The following GALNT13 variants were observed in gnomAD, a reference collection of about 807,000 sequenced individuals.
The protein encoded by GALNT13 is UDP-GalNAc:polypeptide N-acetylgalactosaminyltransferase 13.
Under a neutral mutation model 64.2 loss-of-function variants are expected in GALNT13, and 28 were observed. The ratio of observed to expected loss-of-function variants is 0.44; its 90% CI spans 0.32 to 0.60. GALNT13 has a LOEUF of 0.60. GALNT13 is among the 20% of genes least tolerant of loss of function. The pLI is 0.05. For synonymous variants in GALNT13, 214 were observed against 224.6 expected (o/e 0.95, Z 0.42); for missense variants, 577 against 669.8 (o/e 0.86, Z 1.53).
intron 9 of GALNT13, among the ~76,000 whole-genome samples, chr2:154,341,357 A>C (rs1163131242): frequency 1.3e-5 from 2 of 152,142 alleles, no homozygotes; most frequent in Admixed American, 1.3e-4. Flanking sequence ...TAAATCGCTA[A>C]AATGTGCAAT....
At chr2:153,915,617 A>G (rs546986659) in intron 2 of GALNT13, among the ~76,000 whole-genome samples, 2 of 152,118 alleles carry the variant, frequency 1.3e-5, no homozygotes, top group South Asian at 2.1e-4. Flanking sequence ...TGCCCTCTGC[A>G]TAGAGGAAGC....
intron 9 of GALNT13, among the ~76,000 whole-genome samples, chr2:154,382,576 A>G (rs1449235936): frequency 7.2e-5 from 11 of 152,032 alleles, no homozygotes; most frequent in Admixed American, 6.6e-5. Flanking sequence ...TCATATGTCA[A>G]ACTCATGGTT....
chr2:153,768,583 G>A, the GALNT13 span, among the ~76,000 whole-genome samples: 1 of 151,944 alleles, frequency 6.6e-6, no homozygotes, highest in Non-Finnish European at 1.5e-5. Context: ...TTAAAATCTG[G>A]GACAGGCACA....
chr2:153,445,066 A>G, the GALNT13 span, among the ~76,000 whole-genome samples: 1 of 152,194 alleles, frequency 6.6e-6, no homozygotes, highest in Non-Finnish European at 1.5e-5. Flanking sequence ...TGACAGTGTC[A>G]ATCATTGAAC....
At chr2:153,257,980 T>C in the GALNT13 span, among the ~76,000 whole-genome samples, 1 of 152,142 alleles carries the variant, frequency 6.6e-6, no homozygotes, top group South Asian at 2.1e-4. Context: ...AAGTAAAGAA[T>C]GTCACTTTCT....
At chr2:154,413,553 C>A (rs948364643) in intron 11 of GALNT13, among the ~76,000 whole-genome samples, 1 of 151,974 alleles carries the variant, frequency 6.6e-6, no homozygotes, top group South Asian at 2.1e-4. Context: ...GTATCCCCAT[C>A]TGGTTTTCCA....
At chr2:153,938,213 T>C (rs915896387) in intron 2 of GALNT13, among the ~76,000 whole-genome samples, 2 of 152,074 alleles carry the variant, frequency 1.3e-5, no homozygotes, top group African/African-American at 2.4e-5. Flanking sequence ...AGGGTAACAG[T>C]TGGACTTGTA....
At chr2:153,304,125 G>C in the GALNT13 span, among the ~76,000 whole-genome samples, 2 of 151,358 alleles carry the variant, frequency 1.3e-5, no homozygotes, top group African/African-American at 4.9e-5. Flanking sequence ...ATTATCAGAT[G>C]CCACCACCAT....
At chr2:154,298,771 T>C (rs1490790670) in intron 8 of GALNT13, among the ~76,000 whole-genome samples, 3 of 125,244 alleles carry the variant, frequency 2.4e-5, no homozygotes, top group Non-Finnish European at 3.2e-5. Flanking sequence ...ATATAAATTA[T>C]ATATTTATTT....
chr2:154,013,157 G>A (rs1191084421), intron 3 of GALNT13, among the ~76,000 whole-genome samples: 1 of 150,578 alleles, frequency 6.6e-6, no homozygotes, highest in Non-Finnish European at 1.5e-5. Context: ...TATGCTGTTT[G>A]TTTCTCATCT....
chr2:153,751,464 T>G, the GALNT13 span, among the ~76,000 whole-genome samples: 1 of 151,882 alleles, frequency 6.6e-6, no homozygotes, highest in South Asian at 2.1e-4. Context: ...GGGGCCTATC[T>G]CTCTCTTTAG....
chr2:153,341,710 A>G, the GALNT13 span, among the ~76,000 whole-genome samples: 12 of 152,240 alleles, frequency 7.9e-5, no homozygotes, highest in Non-Finnish European at 1.3e-4. Flanking sequence ...CCCCTCTGTT[A>G]GAAAACAAAT....
chr2:153,658,783 CTT>C, the GALNT13 span, among the ~76,000 whole-genome samples: 19 of 149,346 alleles, frequency 1.3e-4, no homozygotes, highest in Non-Finnish European at 1.6e-4. Context: ...ACTTTGCTTG[CTT>C]TTTTTTTTTC....
chr2:153,448,783 C>G, the GALNT13 span, among the ~76,000 whole-genome samples: 1 of 152,140 alleles, frequency 6.6e-6, no homozygotes, highest in East Asian at 1.9e-4. Context: ...ACAGTAGGTT[C>G]AGTCAAAGGC....
chr2:153,454,281 A>G, the GALNT13 span, among the ~76,000 whole-genome samples: 1 of 152,200 alleles, frequency 6.6e-6, no homozygotes, highest in South Asian at 2.1e-4. Flanking sequence ...ATATATATAT[A>G]TAGAACTGTC....
At chr2:153,594,548 C>A in the GALNT13 span, among the ~76,000 whole-genome samples, 1 of 151,950 alleles carries the variant, frequency 6.6e-6, no homozygotes, top group Admixed American at 6.6e-5. Context: ...AATCTTATCT[C>A]TTCTAATAAA....
At chr2:154,043,462 A>ACACACC (rs1481009664) in intron 3 of GALNT13, among the ~76,000 whole-genome samples, 1 of 142,638 alleles carries the variant, frequency 7.0e-6, no homozygotes, top group South Asian at 2.3e-4. Context: ...ATATACACAC[A>ACACACC]TGTATACATA....
At chr2:153,351,642 A>ACAAC in the GALNT13 span, among the ~76,000 whole-genome samples, 1 of 152,168 alleles carries the variant, frequency 6.6e-6, no homozygotes, top group African/African-American at 2.4e-5. Flanking sequence ...CCAACCCTTG[A>ACAAC]CAACTACTAT....
At chr2:153,430,515 A>G in the GALNT13 span, among the ~76,000 whole-genome samples, 1 of 124,468 alleles carries the variant, frequency 8.0e-6, no homozygotes, top group African/African-American at 3.0e-5. Context: ...GTATTAATAG[A>G]TAGGTAGGTA....
Sources: gnomAD v4.1 joint callset for allele counts (sites outside exome capture counted in the v4.1 genomes callset) on GRCh38, gnomAD v4.1.1 for gene constraint, MANE v1.5 for transcripts, NCBI Gene and HGNC (gene_info 2026-07-23, HGNC 2026-07-21) for gene names.